CD99L2: variants seen among roughly 807,000 people sequenced by gnomAD.
CD99L2 encodes the protein CD99 molecule like 2, also known as CD99 antigen-like protein 2.
CD99L2 carries 24 observed loss-of-function variants against 27.3 expected under a neutral mutation model. The observed-to-expected ratio is 0.88, with a 90% CI of 0.64 to 1.24. The LOEUF is 1.24. CD99L2 is among the 50% of genes most tolerant of loss of function. The probability of loss-of-function intolerance (pLI) is 0.00; values close to 1 mark genes in which losing one functional copy is unlikely to be tolerated. For synonymous variants in CD99L2, 97 were observed against 87.9 expected (o/e 1.10, Z -0.58); for missense variants, 255 against 221.6 (o/e 1.15, Z -0.96).
rs530847070 is a variant in CD99L2, at chrX:150,853,328, G to C, written c.68-22035C>G. On this transcript the variant is annotated intron_variant, in intron 1 of 10. Transcript: ENST00000370377. ...TGCTCTGACATCCATGCTGTGTGGT[G>C]GTGGGGCAGCAAAGAGCACACATGC... Among the ~76,000 whole-genome samples the C allele has an allele frequency of 1.2e-3, 129 of 112,040 alleles. 1 individual carries two copies. The highest frequency in any genetic ancestry group is 8.2e-3 in the South Asian group (22 of 2,678).
intron 1 of CD99L2, among the ~76,000 whole-genome samples, chrX:150,851,858 T>C (rs2046797664): frequency 8.9e-6 from 1 of 111,920 alleles, no homozygotes; most frequent in Admixed American, 9.5e-5. Context: ...TTGGGCCCAC[T>C]TGGATAATCC....
chrX:150,847,415 G>A (rs782224734), intron 1 of CD99L2, among the ~76,000 whole-genome samples: 2 of 111,957 alleles, frequency 1.8e-5, no homozygotes, highest in African/African-American at 6.5e-5. Flanking sequence ...CTGGGATTCT[G>A]ATAGGGATTG....
intron 4 of CD99L2, among the ~76,000 whole-genome samples, chrX:150,799,865 T>G (rs1297090858): frequency 8.9e-6 from 1 of 111,767 alleles, no homozygotes; most frequent in East Asian, 2.8e-4. Flanking sequence ...ATCCAGCAAT[T>G]CCACTTCTAG....
rs1330345357 is a variant in CD99L2 at position 150,767,239 on chromosome X, A to C, written c.*1795T>G. On this transcript the variant is annotated 3_prime_UTR_variant, in exon 11 of 11. Coordinates refer to ENST00000370377, the MANE Select transcript of CD99L2 (RefSeq NM_031462.4). ...CCTGACAAAGTTCACAATCTGGCCA[A>C]TGAGTGTGGGAGGCCCTGGAAACAG... The C allele has an allele frequency of 8.9e-6, 1 of 111,855 alleles. No homozygotes were observed. Among genetic ancestry groups the C allele is most frequent in the East Asian group, 2.8e-4 (1 of 3,543 alleles). 9.2% of individuals were successfully genotyped at this position (111,855 alleles called of 1,213,427 possible). A position where few individuals can be genotyped will look rare whatever the true frequency, so the allele number is the denominator to read the frequency against.
intron 1 of CD99L2, among the ~76,000 whole-genome samples, chrX:150,898,055 C>A (rs1213534364): frequency 1.1e-3 from 4 of 3,694 alleles, no homozygotes; most frequent in Admixed American, 2.6e-3. Context: ...GCCTCGCTGA[C>A]CCCCCCCCCC....
chrX:150,809,144 A>G (rs2046038452), intron 4 of CD99L2, among the ~76,000 whole-genome samples: 1 of 111,654 alleles, frequency 9.0e-6, no homozygotes, highest in Non-Finnish European at 1.9e-5. Context: ...AAAGGAATGG[A>G]GCCTGGCTAG....
intron 1 of CD99L2, among the ~76,000 whole-genome samples, chrX:150,864,469 G>A (rs782725580): frequency 5.1e-4 from 57 of 112,531 alleles, no homozygotes; most frequent in Non-Finnish European, 8.4e-4. Context: ...GGCCCTATTG[G>A]TGGGAGTATG....
intron 2 of CD99L2, chrX:150,819,100 G>A: frequency 3.0e-6 from 1 of 331,290 alleles, no homozygotes. Context: ...CATCTCCACT[G>A]CCAAGACTGA....
At chrX:150,840,084 C>T (rs1229887137) in intron 1 of CD99L2, among the ~76,000 whole-genome samples, 2 of 109,561 alleles carry the variant, frequency 1.8e-5, no homozygotes, top group African/African-American at 6.7e-5. Flanking sequence ...GCTTGTACGC[C>T]CAGCTACTCT....
chrX:150,888,205 G>A (rs1312466778), intron 1 of CD99L2, among the ~76,000 whole-genome samples: 1 of 111,794 alleles, frequency 8.9e-6, no homozygotes, highest in Non-Finnish European at 1.9e-5. Flanking sequence ...ACTGAAAACA[G>A]TTGTTCAAAC....
chrX:150,840,484 C>T (rs2046608221), intron 1 of CD99L2, among the ~76,000 whole-genome samples: 1 of 109,995 alleles, frequency 9.1e-6, no homozygotes, highest in Non-Finnish European at 1.9e-5. Flanking sequence ...AATCATGGCT[C>T]CTGCAGCCTC....
At chrX:150,795,837 C>A (rs535750868) in intron 4 of CD99L2, among the ~76,000 whole-genome samples, 90 of 111,996 alleles carry the variant, frequency 8.0e-4, no homozygotes, top group African/African-American at 2.9e-3. Context: ...CCACTGTCAA[C>A]CTGGCACTTG....
chrX:150,854,754 C>G (rs1271561316), intron 1 of CD99L2, among the ~76,000 whole-genome samples: 1 of 111,069 alleles, frequency 9.0e-6, no homozygotes, highest in Non-Finnish European at 1.9e-5. Context: ...AGGAACCAAC[C>G]CTGCCAACAC....
At chrX:150,773,261 A>T (rs2043492276) in intron 9 of CD99L2, among the ~76,000 whole-genome samples, 1 of 112,625 alleles carries the variant, frequency 8.9e-6, no homozygotes, top group Non-Finnish European at 1.9e-5. Context: ...TGCTCAGCCC[A>T]AGAACTCTCC....
chrX:150,768,983 C>A lies in CD99L2; in HGVS notation c.*51G>T, dbSNP rs188063590. 1.8e-3 allele frequency: 2,026 copies of A among 1,112,499 alleles called. 2 individuals carry two copies. Among genetic ancestry groups the A allele is most frequent in the Non-Finnish European group, 2.1e-3 (1,794 of 857,694 alleles). The allele number at this position is 1,112,499 out of a possible 1,213,427, so 91.7% of individuals were successfully genotyped here. ...GTCCAAATGAAGGGGTGGGGGGAGCCGGGTGACAAGCGGTGGCACCATTGT... is the reference window on the plus strand; with the variant it reads ...GTCCAAATGAAGGGGTGGGGGGAGCAGGGTGACAAGCGGTGGCACCATTGT... On this transcript the variant is annotated 3_prime_UTR_variant, in exon 11 of 11. Transcript: ENST00000370377.
intron 1 of CD99L2, among the ~76,000 whole-genome samples, chrX:150,844,787 C>G (rs1305480565): frequency 1.8e-5 from 2 of 111,514 alleles, no homozygotes; most frequent in Non-Finnish European, 3.8e-5. Flanking sequence ...CAGTCCACAA[C>G]AGCCACAGCC....
chrX:150,826,096 G>A (rs781908232), intron 2 of CD99L2, among the ~76,000 whole-genome samples: 21 of 111,598 alleles, frequency 1.9e-4, no homozygotes, highest in Non-Finnish European at 3.8e-4. Context: ...GCTTGAGGCA[G>A]CCCTTTTGCC....
intron 1 of CD99L2, among the ~76,000 whole-genome samples, chrX:150,875,422 T>C (rs951594876): frequency 3.3e-4 from 37 of 112,098 alleles, no homozygotes; most frequent in South Asian, 7.4e-4. Flanking sequence ...GAGTGAGTCA[T>C]GTAACCACCA....
At chrX:150,898,469 G>C (rs1339076826) in intron 1 of CD99L2, 53 bp downstream of exon 1, 1 of 1,006,342 alleles carries the variant, frequency 9.9e-7, no homozygotes, top group Non-Finnish European at 1.3e-6. Flanking sequence ...CGACCCCTGG[G>C]CCCACAAGGC....
Sources: allele counts gnomAD v4.1 joint callset (sites outside exome capture counted in the v4.1 genomes callset), GRCh38; gene constraint gnomAD v4.1.1; transcripts MANE v1.5; gene names NCBI Gene and HGNC (gene_info 2026-07-23, HGNC 2026-07-21).